Variants in TENM4 observed in about 807,000 individuals in gnomAD.
TENM4 encodes teneurin transmembrane protein 4, also known as teneurin-4.
A neutral mutation model predicts 243.3 loss-of-function variants in TENM4; 82 were observed. The ratio of observed to expected loss-of-function variants is 0.34; its 90% CI spans 0.28 to 0.40. The LOEUF is 0.40. Ranked by LOEUF, TENM4 falls within the 10% of genes least tolerant of loss-of-function variation. The pLI is 1.00. For missense variants in TENM4, 3,138 were observed against 3,673.3 expected, an observed-to-expected ratio of 0.85 and a Z score of 3.77; for synonymous variants, 1,412 against 1,456.3, an observed-to-expected ratio of 0.97 and a Z score of 0.69.
At chr11:78,960,517 T>C (rs1407030824) in intron 6 of TENM4, among the ~76,000 whole-genome samples, 1 of 152,108 alleles carries the variant, frequency 6.6e-6, no homozygotes, top group Non-Finnish European at 1.5e-5. Context: ...GGTTCACACC[T>C]ATTTACAGCC....
chr11:79,067,800 CG>C (rs563120697), intron 5 of TENM4: 2 of 152,118 alleles, frequency 1.3e-5, no homozygotes, highest in African/African-American at 2.4e-5. Context: ...TTCTGAGGCC[CG>C]GGGCATGAGT....
intron 3 of TENM4, among the ~76,000 whole-genome samples, chr11:79,161,212 C>G (rs974739628): frequency 1.3e-5 from 2 of 152,212 alleles, no homozygotes; most frequent in Non-Finnish European, 2.9e-5. Context: ...AAAGCAGCCA[C>G]GCCAGTGTCT....
intron 1 of TENM4, among the ~76,000 whole-genome samples, chr11:79,396,806 C>T (rs894879084): frequency 2.0e-5 from 3 of 152,212 alleles, no homozygotes; most frequent in Admixed American, 6.5e-5. Context: ...TTTAGTCTCT[C>T]AGGGGCAGAG....
chr11:79,305,103 G>A (rs970733638), intron 1 of TENM4, among the ~76,000 whole-genome samples: 1 of 152,318 alleles, frequency 6.6e-6, no homozygotes, highest in African/African-American at 2.4e-5. Context: ...ATTGCTTACT[G>A]TGAACGTCAG....
chr11:78,973,567 A>T (rs973911255), intron 6 of TENM4, among the ~76,000 whole-genome samples: 1 of 152,020 alleles, frequency 6.6e-6, no homozygotes, highest in Non-Finnish European at 1.5e-5. Context: ...TTTTTCCCCA[A>T]GAATTTGTTT....
chr11:79,296,935 A>T (rs1374560985), intron 2 of TENM4, among the ~76,000 whole-genome samples: 2 of 152,232 alleles, frequency 1.3e-5, no homozygotes, highest in African/African-American at 4.8e-5. Context: ...TGTGGTATTT[A>T]TCTTGTTCTC....
intron 2 of TENM4, among the ~76,000 whole-genome samples, chr11:79,230,617 C>T (rs545149206): frequency 6.6e-6 from 1 of 152,354 alleles, no homozygotes; most frequent in Admixed American, 6.5e-5. Context: ...TAGAGGCTTA[C>T]TGTGAGGACC....
chr11:79,218,446 G>A (rs1421811032), intron 2 of TENM4, among the ~76,000 whole-genome samples: 8 of 152,082 alleles, frequency 5.3e-5, no homozygotes, highest in Non-Finnish European at 1.0e-4. Flanking sequence ...TGATATGTAC[G>A]TTTTATGCTT....
intron 12 of TENM4, among the ~76,000 whole-genome samples, chr11:78,839,256 TTAG>T (rs1406586945): frequency 6.6e-6 from 1 of 152,218 alleles, no homozygotes; most frequent in African/African-American, 2.4e-5. Context: ...ATTGACATAT[TTAG>T]AGTATTTCAC....
At chr11:79,291,640 G>A (rs998507511) in intron 2 of TENM4, among the ~76,000 whole-genome samples, 9 of 152,170 alleles carry the variant, frequency 5.9e-5, no homozygotes, top group Non-Finnish European at 7.3e-5. Flanking sequence ...TTGCTGGGCC[G>A]AGGGGGTGGA....
chr11:78,674,783 C>CA (rs973769602), intron 30 of TENM4, among the ~76,000 whole-genome samples: 1 of 152,078 alleles, frequency 6.6e-6, no homozygotes, highest in Admixed American at 6.5e-5. Context: ...GTTGAGGGAA[C>CA]AAACGAAGCC....
intron 3 of TENM4, among the ~76,000 whole-genome samples, chr11:79,158,936 C>T (rs574874112): frequency 6.6e-6 from 1 of 152,164 alleles, no homozygotes; most frequent in South Asian, 2.1e-4. Flanking sequence ...CCCCAAATAA[C>T]CCTAGTATAT....
intron 2 of TENM4, among the ~76,000 whole-genome samples, chr11:79,243,558 A>G (rs1855461521): frequency 6.6e-6 from 1 of 152,156 alleles, no homozygotes; most frequent in South Asian, 2.1e-4. Context: ...GAATCATGAG[A>G]ATCAAACAGA....
rs549846642 is a variant in TENM4, at chr11:79,036,875, G to C, written c.493+27863C>G. On this transcript the variant is annotated intron_variant, in intron 6 of 33. Transcript: ENST00000278550. ...AAATACAAAAAATTAGCTGGGCATG[G>C]TGGCGGTCACCTGTATTCCCAGCTA... 1.2e-4 allele frequency among the ~76,000 whole-genome samples: 19 copies of C among 152,106 alleles called. No homozygotes were observed. In the East Asian group the frequency reaches 3.7e-3, roughly 30 times the overall value.
At chr11:79,284,230 A>G (rs1856209421) in intron 2 of TENM4, among the ~76,000 whole-genome samples, 1 of 152,204 alleles carries the variant, frequency 6.6e-6, no homozygotes. Flanking sequence ...ATGGAAATGC[A>G]AGGAACACAG....
intron 27 of TENM4, among the ~76,000 whole-genome samples, chr11:78,706,020 C>A: frequency 6.6e-6 from 1 of 152,198 alleles, no homozygotes; most frequent in East Asian, 1.9e-4. Flanking sequence ...AATTCATTTC[C>A]ATATCTCTGA....
At chr11:78,707,790 T>C (rs1422712636) in intron 27 of TENM4, among the ~76,000 whole-genome samples, 1 of 152,258 alleles carries the variant, frequency 6.6e-6, no homozygotes, top group Non-Finnish European at 1.5e-5. Flanking sequence ...GTTTCATGTA[T>C]CTTCAGGGTA....
intron 4 of TENM4, among the ~76,000 whole-genome samples, chr11:79,086,391 G>A (rs188124912): frequency 1.2e-3 from 179 of 152,312 alleles, no homozygotes; most frequent in African/African-American, 4.2e-3. Flanking sequence ...ACTGACTCTT[G>A]GAAACAGGAA....
chr11:79,080,562 C>A (rs1229446346), intron 4 of TENM4, among the ~76,000 whole-genome samples: 1 of 152,208 alleles, frequency 6.6e-6, no homozygotes. Context: ...CTGGAAGCCT[C>A]TTGGTGCAGC....
Sources: allele counts gnomAD v4.1 joint callset (sites outside exome capture counted in the v4.1 genomes callset), GRCh38; gene constraint gnomAD v4.1.1; transcripts MANE v1.5; gene names NCBI Gene and HGNC (gene_info 2026-07-23, HGNC 2026-07-21).